FYB1: variants seen among roughly 807,000 people sequenced by gnomAD.
The protein encoded by FYB1 is FYN-binding protein 1.
FYB1 carries 41 observed loss-of-function variants against 94.1 expected under a neutral mutation model. The ratio of observed to expected loss-of-function variants is 0.44; its 90% CI spans 0.34 to 0.57. The LOEUF is 0.57. Among genes scored for constraint, FYB1 ranks in the 20% least tolerant of loss-of-function variants. The pLI is 0.02. For synonymous variants in FYB1, 367 were observed against 353.2 expected (o/e 1.04, Z -0.44); for missense variants, 1,050 against 976.8 (o/e 1.07, Z -1.00).
At chr5:39,239,661 T>C (rs1008145211) in intron 1 of FYB1, among the ~76,000 whole-genome samples, 1 of 151,924 alleles carries the variant, frequency 6.6e-6, no homozygotes, top group African/African-American at 2.4e-5. Flanking sequence ...AAATCAGAGA[T>C]GACACAAACA....
At chr5:39,265,009 G>A (rs1252083997) in intron 1 of FYB1, among the ~76,000 whole-genome samples, 3 of 152,186 alleles carry the variant, frequency 2.0e-5, no homozygotes, top group Non-Finnish European at 4.4e-5. Flanking sequence ...CCCTGGACCA[G>A]CAGCGTCAGC....
intron 1 of FYB1, among the ~76,000 whole-genome samples, chr5:39,214,268 TG>T (rs1749670548): frequency 6.6e-6 from 1 of 152,216 alleles, no homozygotes; most frequent in Admixed American, 6.5e-5. Flanking sequence ...TTGGGGAAAT[TG>T]AATGCTTGTG....
At chr5:39,164,587 G>A (rs1168493603) in intron 2 of FYB1, among the ~76,000 whole-genome samples, 1 of 151,998 alleles carries the variant, frequency 6.6e-6, no homozygotes. Context: ...ACCACACCTG[G>A]CTAATTGTGT....
rs1284239617 is a variant in FYB1 at position 39,148,153 on chromosome 5, TTTTATATATATATATATA to T, written c.1292+5277_1292+5294del. On this transcript the variant is annotated intron_variant, in intron 3 of 18. Coordinates refer to ENST00000512982, the MANE Select transcript of FYB1 (RefSeq NM_001465.6). ...TCATTATATGTATATTATATGTATT[TTTTATATATATATATATA>T]TATATATATATATATATATATATAT... Among the ~76,000 whole-genome samples, 558 of 79,458 alleles carry T rather than the reference TTTTATATATATATATATA, an allele frequency of 7.0e-3. 32 individuals are homozygous for T. Among genetic ancestry groups the T allele is most frequent in the Middle Eastern group, 0.014 (2 of 138 alleles). The allele number at this position is 79,458 out of a possible 152,430, so 52.1% of individuals were successfully genotyped here.
chr5:39,147,697 CTTTT>C (rs548956747), intron 3 of FYB1, among the ~76,000 whole-genome samples: 4 of 125,444 alleles, frequency 3.2e-5, no homozygotes, highest in African/African-American at 8.8e-5. Flanking sequence ...TCCACCTTGT[CTTTT>C]TTTTTTTTTT....
At chr5:39,220,312 G>A (rs1750179653), upstream of FYB1, among the ~76,000 whole-genome samples, 1 of 151,712 alleles carries the variant, frequency 6.6e-6, no homozygotes, top group Non-Finnish European at 1.5e-5. Flanking sequence ...TTGGGAAGCT[G>A]AGGTGGGAGG....
chr5:39,223,641 A>G (rs1750359005), upstream of FYB1, among the ~76,000 whole-genome samples: 1 of 152,208 alleles, frequency 6.6e-6, no homozygotes, highest in Non-Finnish European at 1.5e-5. Context: ...CCCATGCAAG[A>G]GTAATTCTAA....
chr5:39,210,776 T>C (rs1033760341), intron 1 of FYB1, among the ~76,000 whole-genome samples: 6 of 152,192 alleles, frequency 3.9e-5, no homozygotes, highest in African/African-American at 1.4e-4. Flanking sequence ...CTCAGGAGGC[T>C]GATGTGGGAA....
chr5:39,248,497 G>A (rs1236934358), intron 1 of FYB1, among the ~76,000 whole-genome samples: 1 of 152,090 alleles, frequency 6.6e-6, no homozygotes, highest in Non-Finnish European at 1.5e-5. Context: ...GCTATAACAT[G>A]GAGAAACCTC....
chr5:39,107,953 A>G lies in FYB1; in HGVS notation c.2467+278T>C, dbSNP rs573693501. On this transcript the variant is annotated intron_variant, in intron 18 of 18. Transcript: ENST00000512982. ...ATGTTTATTTGCTTGGATAAAAGAAATTCTTATTATGAGTCACAGTACAAT... is the reference window on the plus strand; with the variant it reads ...ATGTTTATTTGCTTGGATAAAAGAAGTTCTTATTATGAGTCACAGTACAAT... 2.0e-4 allele frequency among the ~76,000 whole-genome samples: 31 copies of G among 152,216 alleles called. No homozygotes were observed. The East Asian group carries it at 3.5e-3, about 17-fold the overall frequency.
chr5:39,157,241 G>A (rs1166927529), intron 2 of FYB1, among the ~76,000 whole-genome samples: 1 of 152,086 alleles, frequency 6.6e-6, no homozygotes, highest in East Asian at 1.9e-4. Flanking sequence ...GTAATTAAAT[G>A]AAAATTATTA....
At chr5:39,200,044 T>C (rs914327630) in intron 2 of FYB1, among the ~76,000 whole-genome samples, 25 of 152,116 alleles carry the variant, frequency 1.6e-4, no homozygotes, top group Non-Finnish European at 3.7e-4. Flanking sequence ...GCATAATACA[T>C]CTCAAGGCAT....
intron 4 of FYB1, among the ~76,000 whole-genome samples, chr5:39,140,280 T>G (rs781126475): frequency 2.0e-5 from 3 of 151,982 alleles, no homozygotes; most frequent in Non-Finnish European, 4.4e-5. Context: ...CCCTACAAGT[T>G]AACTAGAAAA....
At chr5:39,110,772 T>C (rs1371607487) in intron 16 of FYB1, 1 of 350,676 alleles carries the variant, frequency 2.9e-6, no homozygotes, top group South Asian at 2.3e-5. Flanking sequence ...TATTGGTAAG[T>C]ATTTTAAATA....
At chr5:39,121,132 C>T (rs1160450427) in intron 14 of FYB1, among the ~76,000 whole-genome samples, 4 of 123,340 alleles carry the variant, frequency 3.2e-5, no homozygotes, top group African/African-American at 1.3e-4. Context: ...AGGTGTGACT[C>T]TTTGTTCCTA....
chr5:39,154,595 C>T (rs530802959), intron 2 of FYB1, among the ~76,000 whole-genome samples: 2 of 151,778 alleles, frequency 1.3e-5, no homozygotes, highest in East Asian at 3.9e-4. Context: ...CAACCTCTGC[C>T]TCCCAGGTTC....
intron 7 of FYB1, 79 bp from the exon 8 acceptor site, chr5:39,135,093 T>C (rs1387757799): frequency 2.0e-6 from 3 of 1,482,058 alleles, no homozygotes; most frequent in Admixed American, 1.8e-5. Context: ...TTGAAAGATA[T>C]AAGTCTACAA....
chr5:39,238,167 T>G (rs913596712), intron 1 of FYB1, among the ~76,000 whole-genome samples: 2 of 152,022 alleles, frequency 1.3e-5, no homozygotes, highest in Non-Finnish European at 2.9e-5. Context: ...TATGTGTATT[T>G]TACAATTAAA....
chr5:39,183,240 C>T (rs1297503663), intron 2 of FYB1, among the ~76,000 whole-genome samples: 1 of 152,102 alleles, frequency 6.6e-6, no homozygotes, highest in Non-Finnish European at 1.5e-5. Context: ...CCTGTCTCGG[C>T]CTCCCAAAAT....
Sources: allele counts gnomAD v4.1 joint callset (sites outside exome capture counted in the v4.1 genomes callset), GRCh38; gene constraint gnomAD v4.1.1; transcripts MANE v1.5; gene names NCBI Gene and HGNC (gene_info 2026-07-23, HGNC 2026-07-21).